FAM3C: variants seen among roughly 807,000 people sequenced by gnomAD.
FAM3C encodes FAM3 metabolism regulating signaling molecule C.
A neutral mutation model predicts 32.5 loss-of-function variants in FAM3C; 15 were observed. That is an observed-to-expected ratio of 0.46 (90% CI 0.31 to 0.71). The LOEUF is 0.71. Among genes scored for constraint, FAM3C ranks in the 30% least tolerant of loss-of-function variants. The probability of loss-of-function intolerance (pLI) is 0.05; values close to 1 mark genes in which losing one functional copy is unlikely to be tolerated. For missense variants in FAM3C, 175 were observed against 274.4 expected (o/e 0.64, Z 2.56); for synonymous variants, 75 against 86.1 (o/e 0.87, Z 0.72).
rs200888829 is a variant in FAM3C, at chr7:121,371,407, T to A, written c.165A>T (p.Arg55Ser). 4.3e-6 allele frequency: 7 copies of A among 1,613,898 alleles called. No homozygotes were observed. The highest frequency in any genetic ancestry group is 5.9e-6 in the Non-Finnish European group (7 of 1,179,818). The change falls in exon 5 of 10, where the codon AGA (arginine) becomes AGT (serine). Residue 55 changes from arginine to serine, a missense_variant. By Grantham distance (110) the Arg-to-Ser change is moderately radical. Transcript: ENST00000359943. Reference protein sequence around the residue: ...DTAARSTKPPRYKCGISKACP... With the variant: ...DTAARSTKPPSYKCGISKACP... The stretch of plus-strand genomic sequence containing the variant: ...AAGCTTTTGAGATCCCACACTTATA[T>A]CTGGGAGGCTTTGTAGCTTTGGGGG...
chr7:121,365,602 T>C (rs1003062733), intron 5 of FAM3C, among the ~76,000 whole-genome samples: 2 of 151,952 alleles, frequency 1.3e-5, no homozygotes, highest in African/African-American at 2.4e-5. Context: ...ATGTAACTCA[T>C]AGGAAGGCAG....
At chr7:121,352,556 TA>T (rs1307839026) in intron 8 of FAM3C, among the ~76,000 whole-genome samples, 3 of 152,216 alleles carry the variant, frequency 2.0e-5, no homozygotes, top group Non-Finnish European at 4.4e-5. Flanking sequence ...CCAAGTGAAC[TA>T]AAAAGAAGTG....
intron 1 of FAM3C, among the ~76,000 whole-genome samples, chr7:121,390,592 T>C (rs866550953): frequency 1.3e-5 from 2 of 152,096 alleles, no homozygotes; most frequent in Non-Finnish European, 2.9e-5. Context: ...TGTGGCGTCA[T>C]AGATTCAATG....
chr7:121,380,273 C>T (rs1468075670), intron 2 of FAM3C: 1 of 152,072 alleles, frequency 6.6e-6, no homozygotes, highest in African/African-American at 2.4e-5. Flanking sequence ...TCCTGTAAAA[C>T]AGTCATATGA....
Position 121,371,334 on chromosome 7 carries a change from C to G in FAM3C, c.238G>C (p.Val80Leu). ...TCCAGGCAGATTTTGGGTCCCACCA[C>G]GTTGGCTGCTCCACTTGCCATTTTA... ...AFKMASGAAN[V>L]VGPKICLEDN... The change falls in exon 5 of 10, where the codon GTG becomes CTG. Residue 80 changes from valine (V) to leucine (L), a missense_variant. Coordinates refer to ENST00000359943, the MANE Select transcript of FAM3C (RefSeq NM_014888.3). 1 of 1,613,622 alleles carries G rather than the reference C, an allele frequency of 6.2e-7. No individual in the cohort carries two copies. Among genetic ancestry groups the G allele is most frequent in the Non-Finnish European group, 8.5e-7 (1 of 1,179,916 alleles).
intron 5 of FAM3C, 98 bp from the exon 6 acceptor site, chr7:121,364,286 A>C: frequency 1.3e-6 from 1 of 776,002 alleles, no homozygotes; most frequent in South Asian, 1.6e-5. Flanking sequence ...AATATTATAC[A>C]TATTTTCAAT....
chr7:121,373,089 G>A (rs564991373), intron 3 of FAM3C, among the ~76,000 whole-genome samples: 15 of 151,292 alleles, frequency 9.9e-5, no homozygotes, highest in African/African-American at 3.6e-4. Flanking sequence ...TTAATGCCCA[G>A]AACAAAGCAG....
At chr7:121,390,273 A>G (rs566034598) in intron 1 of FAM3C, among the ~76,000 whole-genome samples, 1 of 152,244 alleles carries the variant, frequency 6.6e-6, no homozygotes, top group South Asian at 2.1e-4. Context: ...CCACATTTTT[A>G]TTTCTTAGTA....
At chr7:121,370,794 A>C (rs1250537512) in intron 5 of FAM3C, among the ~76,000 whole-genome samples, 1 of 152,210 alleles carries the variant, frequency 6.6e-6, no homozygotes, top group East Asian at 1.9e-4. Context: ...TTTAAAATAA[A>C]GAGAACACAT....
intron 5 of FAM3C, among the ~76,000 whole-genome samples, chr7:121,364,825 A>G (rs191099009): frequency 6.6e-6 from 1 of 152,222 alleles, no homozygotes; most frequent in Admixed American, 6.5e-5. Context: ...GACACTGTAA[A>G]ATGGAAGGTA....
intron 7 of FAM3C, 198 bp downstream of exon 7, chr7:121,362,699 T>C: frequency 1.9e-6 from 1 of 520,760 alleles, no homozygotes. Context: ...ACCACAAAAA[T>C]TTTTTTCTAA....
chr7:121,382,427 C>T (rs1794376020), intron 2 of FAM3C, among the ~76,000 whole-genome samples: 1 of 151,974 alleles, frequency 6.6e-6, no homozygotes, highest in African/African-American at 2.4e-5. Flanking sequence ...ACATATGAGA[C>T]ATTTAAACTT....
At chr7:121,353,911 G>A (rs924410094) in intron 8 of FAM3C, among the ~76,000 whole-genome samples, 1 of 152,132 alleles carries the variant, frequency 6.6e-6, no homozygotes, top group South Asian at 2.1e-4. Context: ...AGACCTACTG[G>A]AGAACTGTCA....
intron 1 of FAM3C, among the ~76,000 whole-genome samples, chr7:121,394,225 T>C (rs1794639245): frequency 1.3e-5 from 2 of 152,176 alleles, no homozygotes; most frequent in African/African-American, 4.8e-5. Flanking sequence ...TGGTGGAAAA[T>C]ATATGAGTCT....
intron 5 of FAM3C, among the ~76,000 whole-genome samples, chr7:121,364,718 C>G (rs889112059): frequency 1.3e-5 from 2 of 152,104 alleles, no homozygotes; most frequent in African/African-American, 4.8e-5. Flanking sequence ...ATATTGCACT[C>G]ATGAAATCAC....
intron 8 of FAM3C, among the ~76,000 whole-genome samples, chr7:121,358,039 C>A (rs1793846600): frequency 6.6e-6 from 1 of 152,038 alleles, no homozygotes; most frequent in African/African-American, 2.4e-5. Flanking sequence ...TAGCAAGTTA[C>A]CTGTTTTTTG....
intron 5 of FAM3C, among the ~76,000 whole-genome samples, chr7:121,370,709 T>C (rs901540261): frequency 9.9e-5 from 15 of 152,180 alleles, no homozygotes; most frequent in African/African-American, 3.6e-4. Context: ...GCAATGGAAC[T>C]GAGGTTATCA....
intron 1 of FAM3C, among the ~76,000 whole-genome samples, chr7:121,389,621 GAC>G (rs1416838210): frequency 6.6e-6 from 1 of 152,050 alleles, no homozygotes; most frequent in African/African-American, 2.4e-5. Context: ...GGTTTACACT[GAC>G]ACAGATTTGG....
intron 1 of FAM3C, among the ~76,000 whole-genome samples, chr7:121,389,649 T>C (rs971309958): frequency 6.6e-6 from 1 of 152,042 alleles, no homozygotes; most frequent in African/African-American, 2.4e-5. Flanking sequence ...ACCCCAAATA[T>C]TGCCATTACA....
Sources: allele counts gnomAD v4.1 joint callset (sites outside exome capture counted in the v4.1 genomes callset), GRCh38; gene constraint gnomAD v4.1.1; transcripts MANE v1.5; gene names NCBI Gene and HGNC (gene_info 2026-07-23, HGNC 2026-07-21).